Variants in HVCN1 observed in about 807,000 individuals in gnomAD.
HVCN1 encodes the protein voltage-gated hydrogen channel 1.
In HVCN1, 14 loss-of-function variants were observed where a neutral mutation model predicts 29.2. The observed-to-expected ratio is 0.48, with a 90% CI of 0.32 to 0.75. The LOEUF (loss-of-function observed/expected upper bound fraction) is 0.75. Ranked by LOEUF, HVCN1 falls within the 30% of genes least tolerant of loss-of-function variation. The probability of loss-of-function intolerance (pLI) is 0.04; values close to 1 mark genes in which losing one functional copy is unlikely to be tolerated. For synonymous variants in HVCN1, 131 were observed against 133.2 expected (o/e 0.98, Z 0.11); for missense variants, 263 against 341.8 (o/e 0.77, Z 1.82).
chr12:110,660,420 G>T (rs2068130152), intron 4 of HVCN1, among the ~76,000 whole-genome samples: 1 of 152,198 alleles, frequency 6.6e-6, no homozygotes, highest in South Asian at 2.1e-4. Flanking sequence ...AGGTATTTTG[G>T]GCATCACTCC....
intron 2 of HVCN1, among the ~76,000 whole-genome samples, chr12:110,685,847 G>C (rs1342006816): frequency 1.3e-5 from 2 of 151,938 alleles, no homozygotes; most frequent in Non-Finnish European, 1.5e-5. Flanking sequence ...ACACTACCAA[G>C]TCCAGCTAAT....
At chr12:110,657,508 G>GAAAAAAAA (rs529473919) in intron 4 of HVCN1, among the ~76,000 whole-genome samples, 123 of 87,022 alleles carry the variant, frequency 1.4e-3, no homozygotes, top group African/African-American at 2.4e-3. Context: ...AAAGAAAAAA[G>GAAAAAAAA]AAAAAAAAAA....
intron 2 of HVCN1, among the ~76,000 whole-genome samples, chr12:110,699,855 C>T (rs150373268): frequency 4.8e-4 from 73 of 152,274 alleles, no homozygotes; most frequent in Middle Eastern, 3.4e-3. Flanking sequence ...AACAAGCCAG[C>T]GCTATTTCTC....
At position 110,661,393 on chromosome 12, in the gene HVCN1, C is replaced by T. The variant is rs773231576; in HGVS notation, c.77G>A (p.Arg26Lys). 39 of 1,614,122 alleles carry T rather than the reference C, an allele frequency of 2.4e-5. No individual in the cohort carries two copies. The highest frequency in any genetic ancestry group is 3.3e-5 in the Non-Finnish European group (39 of 1,180,048). The change falls in exon 4 of 8, where the codon AGG becomes AAG. Residue 26 changes from arginine (R) to lysine (K), a missense_variant. Physicochemically the swap from Arg to Lys is conservative, Grantham distance 26. This residue lies in a region of HVCN1 where 157 missense variants were observed against 181.3 expected (regional missense o/e 0.87). Transcript: ENST00000242607. This position sits in a 1 kb window ranked among gnomAD's most constrained non-coding sequence, Gnocchi z 6.2. ...APAERMSKFL[R>K]HFTVVGDDYH... ...GTCGTCTCCCACGACCGTGAAGTGC[C>T]TTAAGAACTTGCTCATCCTCTCAGC...
chr12:110,671,893 C>T (rs2068587947), intron 3 of HVCN1, among the ~76,000 whole-genome samples: 1 of 152,136 alleles, frequency 6.6e-6, no homozygotes, highest in Non-Finnish European at 1.5e-5. Context: ...CAAACTGAGG[C>T]CTGGGGAGGC....
At chr12:110,691,584 T>C (rs1054251980), upstream of HVCN1, among the ~76,000 whole-genome samples, 1 of 152,152 alleles carries the variant, frequency 6.6e-6, no homozygotes, top group Non-Finnish European at 1.5e-5. Flanking sequence ...TTCACTCCCC[T>C]CTGGTTGAGG....
At chr12:110,651,503 C>T (rs564954972) in intron 5 of HVCN1, 55 bp from the exon 6 acceptor site, 2 of 1,196,970 alleles carry the variant, frequency 1.7e-6, no homozygotes, top group Admixed American at 3.4e-5. Context: ...GGAGGTCAAG[C>T]TGCCCTCACA....
At position 110,661,960 on chromosome 12, in the gene HVCN1, C is replaced by T. The variant is rs539539579; in HGVS notation, c.22-512G>A. Among the ~76,000 whole-genome samples, 49 of 152,246 alleles carry T rather than the reference C, an allele frequency of 3.2e-4. No individual in the cohort carries two copies. Among genetic ancestry groups the T allele is most frequent in the African/African-American group, 9.2e-4 (38 of 41,462 alleles). ...CCAAGTTCAGCCAGTGCTATTCACACGGACAGTTGTTTAAAGCAAAAGCAA... is the reference window on the plus strand; with the variant it reads ...CCAAGTTCAGCCAGTGCTATTCACATGGACAGTTGTTTAAAGCAAAAGCAA... On this transcript the variant is annotated intron_variant, in intron 3 of 7. Coordinates refer to ENST00000242607, the MANE Select transcript of HVCN1 (RefSeq NM_032369.4). The surrounding 1 kb of genome is among the most constrained non-coding windows in gnomAD (Gnocchi z 6.2).
rs1173984368 is a variant in HVCN1, at chr12:110,657,507, A to AG, written c.307-2170dup. 6.9e-4 allele frequency among the ~76,000 whole-genome samples: 101 copies of AG among 147,228 alleles called. 1 individual carries two copies. Among genetic ancestry groups the AG allele is most frequent in the African/African-American group, 2.6e-3 (100 of 38,560 alleles). ...TGAAACTCCATCTCAAAAAGAAAAAAGAAAAAAAAAAAAAAAGAAAATGCT... is the reference window on the plus strand; with the variant it reads ...TGAAACTCCATCTCAAAAAGAAAAAAGGAAAAAAAAAAAAAAAGAAAATGCT... On this transcript the variant is annotated intron_variant, in intron 4 of 7. Transcript: ENST00000242607.
chr12:110,690,690 C>G (rs997639266), upstream of HVCN1, among the ~76,000 whole-genome samples: 3 of 152,098 alleles, frequency 2.0e-5, no homozygotes, highest in Non-Finnish European at 4.4e-5. Context: ...GTGGGTCAGA[C>G]TGGTCTCGAA....
chr12:110,668,881 C>A (rs529983659), intron 3 of HVCN1, among the ~76,000 whole-genome samples: 3 of 152,142 alleles, frequency 2.0e-5, no homozygotes, highest in Non-Finnish European at 4.4e-5. Flanking sequence ...TTGGCAATCT[C>A]GCCCCCTGCT....
chr12:110,685,612 A>AT, intron 2 of HVCN1, among the ~76,000 whole-genome samples: 1 of 152,078 alleles, frequency 6.6e-6, no homozygotes, highest in South Asian at 2.1e-4. Flanking sequence ...AGTGATGGAC[A>AT]TTTACGGTTG....
chr12:110,674,777 A>G (rs748176384), intron 3 of HVCN1, among the ~76,000 whole-genome samples: 27 of 152,200 alleles, frequency 1.8e-4, no homozygotes, highest in Non-Finnish European at 2.9e-4. Flanking sequence ...TATAAGTCCA[A>G]TTAAACCTCT....
chr12:110,667,411 C>T (rs1593477198), intron 3 of HVCN1, among the ~76,000 whole-genome samples: 3 of 149,094 alleles, frequency 2.0e-5, no homozygotes, highest in Admixed American at 1.3e-4. Context: ...TGGGATTACA[C>T]GCGTGAGCCA....
intron 3 of HVCN1, among the ~76,000 whole-genome samples, chr12:110,672,891 T>C (rs1201654221): frequency 3.3e-5 from 5 of 152,198 alleles, no homozygotes; most frequent in Non-Finnish European, 4.4e-5. Context: ...CCATGTGGAA[T>C]TGTAAGTCCA....
intron 3 of HVCN1, among the ~76,000 whole-genome samples, chr12:110,662,190 G>A (rs1056890651): frequency 1.3e-5 from 2 of 152,092 alleles, no homozygotes; most frequent in African/African-American, 4.8e-5. Context: ...CAGACTCACG[G>A]GAAAGAAAGG....
At chr12:110,681,530 A>C (rs1274216405) in intron 3 of HVCN1, among the ~76,000 whole-genome samples, 1 of 152,226 alleles carries the variant, frequency 6.6e-6, no homozygotes, top group Non-Finnish European at 1.5e-5. Context: ...CTACAAATGA[A>C]GGAAAAGCAT....
intron 3 of HVCN1, among the ~76,000 whole-genome samples, chr12:110,670,116 T>C (rs759652605): frequency 6.6e-6 from 1 of 152,206 alleles, no homozygotes; most frequent in Non-Finnish European, 1.5e-5. Context: ...TGACCTCTTT[T>C]ACAGGTATTA....
rs2067647502 is a variant in HVCN1 at position 110,649,024 on chromosome 12, TTC to T, written c.*384_*385del. ...AGAATGGGGTGGCAGCTAAAGTAGC[TTC>T]TTTTTCTTTCTTTCAGAATGCTCAG... On this transcript the variant is annotated 3_prime_UTR_variant, in exon 8 of 8. Transcript: ENST00000242607. 2.1e-6 allele frequency: 1 copy of T among 482,926 alleles called. No homozygotes were observed. The highest frequency in any genetic ancestry group is 4.0e-6 in the Non-Finnish European group (1 of 248,434). 29.9% of individuals were successfully genotyped at this position (482,926 alleles called of 1,614,324 possible). A position where few individuals can be genotyped will look rare whatever the true frequency, so the allele number is the denominator to read the frequency against.
Sources: gnomAD v4.1 joint callset for allele counts (sites outside exome capture counted in the v4.1 genomes callset) on GRCh38, gnomAD v4.1.1 for gene constraint, gnomAD v4.1.1 regional missense constraint, Gnocchi (gnomAD v3.1) non-coding constraint, MANE v1.5 for transcripts, NCBI Gene and HGNC (gene_info 2026-07-23, HGNC 2026-07-21) for gene names.